The following RIMS1 variants were observed in gnomAD, a reference collection of about 807,000 sequenced individuals.
The protein encoded by RIMS1 is regulating synaptic membrane exocytosis 1, also known as regulating synaptic membrane exocytosis protein 1.
A neutral mutation model predicts 214.1 loss-of-function variants in RIMS1; 83 were observed. That is an observed-to-expected ratio of 0.39 (90% CI 0.32 to 0.47). RIMS1 has a LOEUF of 0.47. Among genes scored for constraint, RIMS1 ranks in the 20% least tolerant of loss-of-function variants. RIMS1 has a pLI of 0.99. For missense variants in RIMS1, 2,050 were observed against 2,161.8 expected (o/e 0.95, Z 1.03); for synonymous variants, 793 against 786.8 (o/e 1.01, Z -0.13).
intron 29 of RIMS1, among the ~76,000 whole-genome samples, chr6:72,354,983 A>G (rs1247786207): frequency 6.6e-6 from 1 of 152,176 alleles, no homozygotes; most frequent in African/African-American, 2.4e-5. Context: ...AGACCTATAT[A>G]GCCAAATTGG....
At chr6:71,974,192 G>A (rs1010720995) in intron 2 of RIMS1, among the ~76,000 whole-genome samples, 4 of 152,064 alleles carry the variant, frequency 2.6e-5, no homozygotes, top group African/African-American at 9.7e-5. Flanking sequence ...GTATGAGAAC[G>A]TTCAATTTAT....
intron 2 of RIMS1, among the ~76,000 whole-genome samples, chr6:72,014,209 A>C (rs2151889738): frequency 6.6e-6 from 1 of 152,316 alleles, no homozygotes; most frequent in East Asian, 1.9e-4. Context: ...TGAAGGGGGA[A>C]GCCCCTTATA....
intron 29 of RIMS1, among the ~76,000 whole-genome samples, chr6:72,343,515 T>TTTTTTTTTTTTTTTTTTTTTTTTTTG: frequency 8.3e-6 from 1 of 120,556 alleles, no homozygotes; most frequent in East Asian, 2.2e-4. Flanking sequence ...TTTTTTTTTT[T>TTTTTTTTTTTTTTTTTTTTTTTTTTG]TGTGTGTGTG....
intron 2 of RIMS1, among the ~76,000 whole-genome samples, chr6:71,980,887 G>A (rs1032863361): frequency 2.6e-5 from 4 of 152,060 alleles, no homozygotes; most frequent in Non-Finnish European, 5.9e-5. Flanking sequence ...CTGAGATTTT[G>A]GGACTGGGAA....
chr6:72,284,195 A>G (rs2154221396), intron 24 of RIMS1, 77 bp downstream of exon 24: 5 of 1,238,910 alleles, frequency 4.0e-6, no homozygotes, highest in East Asian at 2.3e-5. Flanking sequence ...CTCATTTTAC[A>G]TGATCAGTTC....
chr6:72,387,849 A>G lies in RIMS1; in HGVS notation c.4367-2749A>G, dbSNP rs191464100. Reference sequence around the variant, plus strand: ...TAATTCATTCTGTAGAAGCTCTCCTATAACAACTGGAAATATCCAATAGCC... The same window carrying G: ...TAATTCATTCTGTAGAAGCTCTCCTGTAACAACTGGAAATATCCAATAGCC... On this transcript the variant is annotated intron_variant, in intron 29 of 33. Coordinates refer to ENST00000521978, the MANE Select transcript of RIMS1 (RefSeq NM_014989.7). Among the ~76,000 whole-genome samples the G allele has an allele frequency of 2.4e-4, 36 of 152,368 alleles. No homozygotes were observed. In the East Asian group the frequency reaches 4.2e-3, roughly 18 times the overall value.
chr6:71,897,768 T>C (rs995636769), intron 1 of RIMS1, among the ~76,000 whole-genome samples: 1 of 152,176 alleles, frequency 6.6e-6, no homozygotes, highest in Non-Finnish European at 1.5e-5. Context: ...CATATAAGCA[T>C]ATTGCCTGGC....
chr6:72,058,362 G>T (rs1046537459), intron 2 of RIMS1, among the ~76,000 whole-genome samples: 1 of 152,118 alleles, frequency 6.6e-6, no homozygotes, highest in Admixed American at 6.5e-5. Context: ...TTTACAAAAG[G>T]CTCCAAGATT....
intron 1 of RIMS1, among the ~76,000 whole-genome samples, chr6:71,945,940 G>T (rs1787679697): frequency 6.6e-6 from 1 of 151,832 alleles, no homozygotes; most frequent in African/African-American, 2.4e-5. Flanking sequence ...TAGTGGAGAT[G>T]GGGTTTCAGA....
At chr6:72,076,518 T>C (rs1283588012) in intron 2 of RIMS1, among the ~76,000 whole-genome samples, 1 of 152,136 alleles carries the variant, frequency 6.6e-6, no homozygotes, top group African/African-American at 2.4e-5. Context: ...ATGCTCCACC[T>C]CCAAATATGA....
intron 4 of RIMS1, among the ~76,000 whole-genome samples, chr6:72,145,789 C>CAAACAAACAA (rs1200068625): frequency 6.6e-6 from 1 of 152,134 alleles, no homozygotes; most frequent in Non-Finnish European, 1.5e-5. Flanking sequence ...TTGGCAAAAA[C>CAAACAAACAA]AAACAAACAA....
chr6:72,247,304 C>T (rs938634894), intron 11 of RIMS1, among the ~76,000 whole-genome samples: 5 of 151,874 alleles, frequency 3.3e-5, no homozygotes, highest in Admixed American at 2.6e-4. Flanking sequence ...ATGGGGAGGC[C>T]GAGGTGGGCG....
intron 16 of RIMS1, among the ~76,000 whole-genome samples, chr6:72,253,636 G>GTA (rs201943881): frequency 2.8e-4 from 43 of 151,328 alleles, no homozygotes; most frequent in Admixed American, 1.2e-3. Context: ...TTTAAAGACA[G>GTA]TATATATATA....
At chr6:71,895,076 A>G (rs1466669928) in intron 1 of RIMS1, among the ~76,000 whole-genome samples, 1 of 152,190 alleles carries the variant, frequency 6.6e-6, no homozygotes, top group East Asian at 1.9e-4. Flanking sequence ...TAAAAGTCTT[A>G]CACTACTTAG....
intron 1 of RIMS1, among the ~76,000 whole-genome samples, chr6:71,961,373 G>A (rs1015720060): frequency 2.6e-5 from 4 of 151,548 alleles, no homozygotes; most frequent in African/African-American, 9.7e-5. Context: ...TCACCCTACC[G>A]CTTGCTTCCA....
At chr6:72,254,728 A>T (rs1590762656) in intron 16 of RIMS1, among the ~76,000 whole-genome samples, 1 of 152,210 alleles carries the variant, frequency 6.6e-6, no homozygotes, top group Non-Finnish European at 1.5e-5. Context: ...CAACATGGAT[A>T]ACGCCTTGTG....
At chr6:72,267,643 T>C (rs907982439) in intron 22 of RIMS1, among the ~76,000 whole-genome samples, 1 of 152,168 alleles carries the variant, frequency 6.6e-6, no homozygotes, top group Admixed American at 6.6e-5. Flanking sequence ...ATTACGGTGC[T>C]CATTGGCTTC....
chr6:72,392,242 A>G (rs527548771), intron 30 of RIMS1, among the ~76,000 whole-genome samples: 2 of 152,240 alleles, frequency 1.3e-5, no homozygotes, highest in Non-Finnish European at 2.9e-5. Flanking sequence ...CAAATAATTC[A>G]TCTTTGAATC....
At chr6:71,963,480 G>T (rs143293981) in intron 1 of RIMS1, among the ~76,000 whole-genome samples, 1 of 152,164 alleles carries the variant, frequency 6.6e-6, no homozygotes, top group African/African-American at 2.4e-5. Context: ...ATCAGAAAAA[G>T]AGGATTAATT....
Sources: gnomAD v4.1 joint callset for allele counts (sites outside exome capture counted in the v4.1 genomes callset) on GRCh38, gnomAD v4.1.1 for gene constraint, MANE v1.5 for transcripts, NCBI Gene and HGNC (gene_info 2026-07-23, HGNC 2026-07-21) for gene names.